The following KMT2C variants were observed in gnomAD, a reference collection of about 807,000 sequenced individuals.
KMT2C encodes lysine methyltransferase 2C.
Under a neutral mutation model 507.9 loss-of-function variants are expected in KMT2C, and 88 were observed. That is an observed-to-expected ratio of 0.17 (90% CI 0.15 to 0.21). KMT2C has a LOEUF of 0.21. KMT2C is among the 10% of genes least tolerant of loss of function. The pLI, the probability that KMT2C is intolerant of heterozygous loss-of-function variation, is 1.00. For synonymous variants in KMT2C, 2,049 were observed against 2,080.8 expected (o/e 0.98, Z 0.42); for missense variants, 4,954 against 5,957.8 (o/e 0.83, Z 5.55).
At chr7:152,155,615 A>T (rs987490881) in intron 46 of KMT2C, among the ~76,000 whole-genome samples, 1 of 152,158 alleles carries the variant, frequency 6.6e-6, no homozygotes, top group Non-Finnish European at 1.5e-5. Flanking sequence ...TTGCATGGAG[A>T]TTTTCCACTA....
chr7:152,350,992 G>A (rs1437667267), intron 2 of KMT2C, among the ~76,000 whole-genome samples: 1 of 151,968 alleles, frequency 6.6e-6, no homozygotes, highest in African/African-American at 2.4e-5. Context: ...ACTTAGCCCA[G>A]GCCTACACGA....
At chr7:152,395,361 C>T (rs563532219) in intron 1 of KMT2C, among the ~76,000 whole-genome samples, 117 of 151,908 alleles carry the variant, frequency 7.7e-4, no homozygotes, top group Admixed American at 2.7e-3. Flanking sequence ...TCTTTCCCCC[C>T]CCCAGTTAGA....
At position 152,366,891 on chromosome 7, in the gene KMT2C, C is replaced by T. The variant is rs2097250959; in HGVS notation, c.162-8216G>A. On this transcript the variant is annotated intron_variant, in intron 1 of 58. Coordinates refer to ENST00000262189, the MANE Select transcript of KMT2C (RefSeq NM_170606.3). ...AGCCGGGCGCAGCAAGGGCCAGACG[C>T]GGCGCGAGCTGGCGCTGCGAGCCAA... 9 of 399,232 alleles carry T rather than the reference C, an allele frequency of 2.3e-5. No homozygotes were observed. In the South Asian group the frequency reaches 2.3e-4, roughly 10 times the overall value. 24.7% of individuals were successfully genotyped at this position (399,232 alleles called of 1,614,324 possible). A position where few individuals can be genotyped will look rare whatever the true frequency, so the allele number is the denominator to read the frequency against.
intron 27 of KMT2C, among the ~76,000 whole-genome samples, chr7:152,196,385 A>T (rs971576477): frequency 1.3e-5 from 2 of 152,260 alleles, no homozygotes; most frequent in African/African-American, 4.8e-5. Flanking sequence ...GAAAAGTTAA[A>T]ATATGAAAGA....
intron 35 of KMT2C, 116 bp downstream of exon 35, chr7:152,182,858 A>C (rs1035369973): frequency 7.9e-6 from 6 of 758,802 alleles, no homozygotes; most frequent in African/African-American, 1.8e-5. Context: ...AAACAAGTCT[A>C]TCCTAAATCA....
At chr7:152,256,029 C>A (rs1174953840) in intron 9 of KMT2C, among the ~76,000 whole-genome samples, 3 of 152,044 alleles carry the variant, frequency 2.0e-5, no homozygotes, top group Admixed American at 2.0e-4. Flanking sequence ...ATTAGCTGGG[C>A]GTGGTGGCGC....
rs1278878586 is a variant in KMT2C at position 152,325,205 on chromosome 7, G to A, written c.389+5396C>T. Among the ~76,000 whole-genome samples, 4 of 151,830 alleles carry A rather than the reference G, an allele frequency of 2.6e-5. No homozygotes were observed. In the East Asian group the frequency reaches 7.7e-4, roughly 29 times the overall value. Reference sequence around the variant, plus strand: ...TCTCTCTTGTCGCCCAGGCTGGAGTGCAATGGTGCGATCTTGGCTCACTGC... The same window carrying A: ...TCTCTCTTGTCGCCCAGGCTGGAGTACAATGGTGCGATCTTGGCTCACTGC... On this transcript the variant is annotated intron_variant, in intron 3 of 58. Transcript: ENST00000262189.
intron 6 of KMT2C, among the ~76,000 whole-genome samples, chr7:152,292,461 T>C (rs1374411942): frequency 6.6e-6 from 1 of 152,220 alleles, no homozygotes; most frequent in Admixed American, 6.5e-5. Flanking sequence ...AGAAGTCATA[T>C]ATAATGCCCA....
intron 1 of KMT2C, chr7:152,367,503 C>T: frequency 1.0e-6 from 1 of 958,720 alleles, no homozygotes; most frequent in Non-Finnish European, 1.7e-6. Context: ...CAGGTGTGAG[C>T]CACCTTACCC....
chr7:152,331,879 C>T (rs995044850), intron 2 of KMT2C, among the ~76,000 whole-genome samples: 2 of 151,846 alleles, frequency 1.3e-5, no homozygotes, highest in African/African-American at 4.8e-5. Flanking sequence ...GAACTCCTGA[C>T]CTCAGGTGAT....
chr7:152,247,712 A>G (rs543291288), intron 14 of KMT2C, among the ~76,000 whole-genome samples, 190 bp downstream of exon 14: 872 of 152,386 alleles, frequency 5.7e-3, no homozygotes, highest in Non-Finnish European at 8.9e-3. Flanking sequence ...GATCACTTCA[A>G]ATTTAATAAA....
intron 42 of KMT2C, among the ~76,000 whole-genome samples, chr7:152,165,279 A>C (rs1299702873): frequency 6.6e-6 from 1 of 152,202 alleles, no homozygotes; most frequent in East Asian, 1.9e-4. Context: ...TAATATGATT[A>C]TACTGGATCT....
intron 1 of KMT2C, among the ~76,000 whole-genome samples, chr7:152,361,334 G>A (rs577131430): frequency 1.1e-4 from 17 of 152,284 alleles, no homozygotes; most frequent in Non-Finnish European, 1.5e-5. Context: ...GCTGAGGTGG[G>A]TGGATCACGA....
intron 13 of KMT2C, among the ~76,000 whole-genome samples, chr7:152,249,260 A>G (rs991769515): frequency 6.6e-6 from 1 of 151,802 alleles, no homozygotes; most frequent in African/African-American, 2.4e-5. Context: ...GGTAATTTTT[A>G]AGTTATAGTA....
rs2095302705 is a variant in KMT2C at position 152,237,558 on chromosome 7, TGCGATCTTG to T, written c.2652+1140_2652+1148del. On this transcript the variant is annotated intron_variant, in intron 15 of 58. Transcript: ENST00000262189. Reference sequence around the variant, plus strand: ...CTTTGCCCAGGCTGGAGTGCAATGGTGCGATCTTGGCTCACTGCAACCTCCGTCTCCTGG... The same window carrying T: ...CTTTGCCCAGGCTGGAGTGCAATGGTGCTCACTGCAACCTCCGTCTCCTGG... Among the ~76,000 whole-genome samples, 3 of 152,144 alleles carry T rather than the reference TGCGATCTTG, an allele frequency of 2.0e-5. No individual in the cohort carries two copies. In the South Asian group the frequency reaches 6.2e-4, roughly 31 times the overall value.
intron 2 of KMT2C, among the ~76,000 whole-genome samples, chr7:152,348,042 T>G (rs192007082): frequency 9.1e-4 from 139 of 152,324 alleles, no homozygotes; most frequent in African/African-American, 3.2e-3. Flanking sequence ...GAATCTTAAA[T>G]ATTCAAGAAA....
chr7:152,207,179 A>G (rs1684920174), intron 24 of KMT2C, 121 bp downstream of exon 24: 2 of 966,464 alleles, frequency 2.1e-6, no homozygotes, highest in Admixed American at 3.0e-5. Context: ...ATGTGCACAT[A>G]TTTTTGTTTA....
At chr7:152,429,728 C>T (rs1422895020) in intron 1 of KMT2C, among the ~76,000 whole-genome samples, 1 of 151,392 alleles carries the variant, frequency 6.6e-6, no homozygotes, top group East Asian at 2.0e-4. Flanking sequence ...ACCATATTGG[C>T]CAGGCTGGTC....
chr7:152,308,604 A>G (rs2096641052), intron 6 of KMT2C, among the ~76,000 whole-genome samples: 1 of 148,100 alleles, frequency 6.8e-6, no homozygotes, highest in Non-Finnish European at 1.5e-5. Flanking sequence ...GAACCCAGGA[A>G]GCAGAGGTTG....
Sources: gnomAD v4.1 joint callset for allele counts (sites outside exome capture counted in the v4.1 genomes callset) on GRCh38, gnomAD v4.1.1 for gene constraint, MANE v1.5 for transcripts, NCBI Gene and HGNC (gene_info 2026-07-23, HGNC 2026-07-21) for gene names.